Variants in ITGB7 observed in about 807,000 individuals in gnomAD.
ITGB7 encodes the protein integrin subunit beta 7.
ITGB7 carries 55 observed loss-of-function variants against 83.4 expected under a neutral mutation model. The ratio of observed to expected loss-of-function variants is 0.66; its 90% CI spans 0.53 to 0.83. ITGB7 has a LOEUF of 0.83. Ranked by LOEUF, ITGB7 falls within the 40% of genes least tolerant of loss-of-function variation. The probability of loss-of-function intolerance (pLI) is 0.00; values close to 1 mark genes in which losing one functional copy is unlikely to be tolerated. For missense variants in ITGB7, 921 were observed against 1,046.7 expected, an observed-to-expected ratio of 0.88 and a Z score of 1.66; for synonymous variants, 454 against 423.6, an observed-to-expected ratio of 1.07 and a Z score of -0.88.
chr12:53,200,798 G>A (rs11170469), intron 2 of ITGB7, among the ~76,000 whole-genome samples: 8,021 of 151,982 alleles, frequency 0.053, 284 homozygotes, highest in Non-Finnish European at 0.082. Context: ...GCATGGTGGC[G>A]TGCACCTGTA....
chr12:53,203,057 AAC>A (rs1356895653), intron 1 of ITGB7, among the ~76,000 whole-genome samples: 1 of 152,230 alleles, frequency 6.6e-6, no homozygotes, highest in African/African-American at 2.4e-5. Context: ...AAGCACAAAC[AAC>A]AAAAGGAAAA....
chr12:53,198,311 G>T (rs1371448117), intron 3 of ITGB7, among the ~76,000 whole-genome samples: 1 of 152,034 alleles, frequency 6.6e-6, no homozygotes, highest in Non-Finnish European at 1.5e-5. Flanking sequence ...ATTTTTAGTA[G>T]AGACGGGATT....
Position 53,193,779 on chromosome 12 carries a change from A to G in ITGB7, c.1431T>C (p.Asn477=), listed in dbSNP as rs61761308. 3.3e-4 allele frequency: 539 copies of G among 1,614,068 alleles called. No homozygotes were observed. The East Asian group carries it at 7.9e-3, about 24-fold the overall frequency. Residue 477 remains asparagine (N), a synonymous_variant, in exon 11 of 16, where the codon AAT becomes AAC. Coordinates refer to ENST00000267082, the MANE Select transcript of ITGB7 (RefSeq NM_000889.3). The stretch of plus-strand genomic sequence containing the variant: ...GAGCCTGGGGCTGGGTGTCACTGCA[A>G]TTACAGTCACACAGCGTGTGCAACT... The part of the protein sequence containing the change: ...IVELHTLCDC[N]CSDTQPQAPH...
rs893027033 is a variant in ITGB7 at position 53,193,642 on chromosome 12, G to A, written c.1502+66C>T. On this transcript the variant is annotated intron_variant, in intron 11 of 15. Coordinates refer to ENST00000267082, the MANE Select transcript of ITGB7 (RefSeq NM_000889.3). ...TGTGGGGGGGATGGAAAGCAGCGGA[G>A]GAATACGGGCCAGGGTTGGTTGGTT... 57 of 1,376,840 alleles carry A rather than the reference G, an allele frequency of 4.1e-5. No individual in the cohort carries two copies. In the African/African-American group the frequency reaches 7.3e-4, roughly 18 times the overall value. The allele number at this position is 1,376,840 out of a possible 1,614,324, so 85.3% of individuals were successfully genotyped here. A position where few individuals can be genotyped will look rare whatever the true frequency, so the allele number is the denominator to read the frequency against.
chr12:53,202,810 A>T (rs1942350222), intron 1 of ITGB7, among the ~76,000 whole-genome samples: 1 of 152,130 alleles, frequency 6.6e-6, no homozygotes, highest in Non-Finnish European at 1.5e-5. Flanking sequence ...AAAATACAAA[A>T]ATTAGCCGGG....
At chr12:53,196,333 G>T in intron 6 of ITGB7, 134 bp from the exon 7 acceptor site, 1 of 1,103,714 alleles carries the variant, frequency 9.1e-7, no homozygotes, top group Non-Finnish European at 1.3e-6. Context: ...CCAGTACCTT[G>T]CTTCTCCCTG....
chr12:53,200,318 C>A lies in ITGB7; in HGVS notation c.126G>T (p.Leu42=). The change falls in exon 3 of 16, where the codon CTG becomes CTT. Residue 42 remains leucine, a synonymous_variant. Coordinates refer to ENST00000267082, the MANE Select transcript of ITGB7 (RefSeq NM_000889.3). ...AGGAGGGGGCTGGCTGGCAGGACCC[C>A]AGCATGGACAGGTGAGGATTCCGCC... ...TEWRNPHLSM[L]GSCQPAPSCQ... 1 of 1,614,168 alleles carries A rather than the reference C, an allele frequency of 6.2e-7. No individual in the cohort carries two copies. Among genetic ancestry groups the A allele is most frequent in the Non-Finnish European group, 8.5e-7 (1 of 1,180,036 alleles).
chr12:53,191,514 T>C lies in ITGB7; in HGVS notation c.*42A>G, dbSNP rs1240665915. 1 of 1,482,010 alleles carries C rather than the reference T, an allele frequency of 6.7e-7. No homozygotes were observed. The highest frequency in any genetic ancestry group is 1.4e-5 in the African/African-American group (1 of 72,188). The allele number at this position is 1,482,010 out of a possible 1,614,324, so 91.8% of individuals were successfully genotyped here. A position where few individuals can be genotyped will look rare whatever the true frequency, so the allele number is the denominator to read the frequency against. On this transcript the variant is annotated 3_prime_UTR_variant, in exon 16 of 16. Transcript: ENST00000267082. ...TCCTCTCACCCTCCAGTTCCCACTGTCCTCCAAGGAGAAGAGCCTTGGGTA... is the reference window on the plus strand; with the variant it reads ...TCCTCTCACCCTCCAGTTCCCACTGCCCTCCAAGGAGAAGAGCCTTGGGTA...
In ITGB7 at chr12:53,192,020, CTG is replaced by C. The variant is rs1403677827; in HGVS notation, c.2156-3_2156-2del. 9 of 1,610,516 alleles carry C rather than the reference CTG, an allele frequency of 5.6e-6. No homozygotes were observed. The highest frequency in any genetic ancestry group is 1.7e-5 in the Admixed American group (1 of 59,674). Reference sequence around the variant, plus strand: ...ATGGCCTGCGTGTGGTCTGCTCCCTCTGTGAACAAGAAACCAGACACACTTGT... The same window carrying C: ...ATGGCCTGCGTGTGGTCTGCTCCCTCTGAACAAGAAACCAGACACACTTGT... On this transcript the variant is annotated splice_acceptor_variant and splice_polypyrimidine_tract_variant and intron_variant, in intron 14 of 15. Coordinates refer to ENST00000267082, the MANE Select transcript of ITGB7 (RefSeq NM_000889.3). LOFTEE classifies it high-confidence loss of function.
chr12:53,191,880 C>G lies in ITGB7; in HGVS notation c.2295G>C (p.Gln765His). 6.2e-7 allele frequency: 1 copy of G among 1,613,436 alleles called. No individual in the cohort carries two copies. Among genetic ancestry groups the G allele is most frequent in the Non-Finnish European group, 8.5e-7 (1 of 1,180,006 alleles). The change falls in exon 15 of 16, where the codon CAG (glutamine) becomes CAC (histidine). Residue 765 changes from glutamine to histidine, a missense_variant. By Grantham distance (24) the Gln-to-His change is conservative. Transcript: ENST00000267082. Reference protein sequence around the residue: ...RREYSRFEKEQQQLNWKQDSN... With the variant: ...RREYSRFEKEHQQLNWKQDSN... ...TCACCTGCTTCCAGTTGAGTTGTTG[C>G]TGCTCCTTCTCAAAGCGACTGTATT...
At chr12:53,196,975 G>T in intron 5 of ITGB7, 155 bp from the exon 6 acceptor site, 1 of 769,868 alleles carries the variant, frequency 1.3e-6, no homozygotes, top group Non-Finnish European at 2.1e-6. Context: ...GCAAAGCAGT[G>T]AGACCACTGG....
At chr12:53,197,982 C>T (rs952191335) in intron 3 of ITGB7, 31 bp from the exon 4 acceptor site, 3 of 1,520,670 alleles carry the variant, frequency 2.0e-6, no homozygotes, top group Non-Finnish European at 2.6e-6. Flanking sequence ...CGTCGGGACC[C>T]GGTCCTGCAT....
At chr12:53,200,112 T>G in intron 3 of ITGB7, 131 bp downstream of exon 3, 98 of 770,330 alleles carry the variant, frequency 1.3e-4, no homozygotes, top group Non-Finnish European at 1.8e-4. Flanking sequence ...CAGTCACACA[T>G]GAGACTGTGG....
intron 10 of ITGB7, 37 bp from the exon 11 acceptor site, chr12:53,193,938 A>G (rs762905069): frequency 6.4e-6 from 10 of 1,563,726 alleles, no homozygotes; most frequent in South Asian, 1.2e-5. Context: ...GGTTATACAC[A>G]TGCACACACA....
Position 53,197,839 on chromosome 12 carries a change from A to G in ITGB7, c.314T>C (p.Val105Ala). 1 of 1,531,402 alleles carries G rather than the reference A, an allele frequency of 6.5e-7. No homozygotes were observed. The highest frequency in any genetic ancestry group is 8.7e-7 in the Non-Finnish European group (1 of 1,144,682). The allele number at this position is 1,531,402 out of a possible 1,614,324, so 94.9% of individuals were successfully genotyped here. ...CTGGCTGAGCGGCTGGTCCTGCAGC[A>G]CCTCCTGCTGGCCGCGGGGCTCCTC... ...ELEEPRGQQE[V>A]LQDQPLSQGA... Residue 105 changes from valine (V) to alanine (A), a missense_variant, in exon 4 of 16, where the codon GTG (valine) becomes GCG (alanine). By Grantham distance (64) the Val-to-Ala change is moderately conservative. Coordinates refer to ENST00000267082, the MANE Select transcript of ITGB7 (RefSeq NM_000889.3).
rs1942138701 is a variant in ITGB7 at position 53,195,745 on chromosome 12, G to A, written c.976-24C>T. On this transcript the variant is annotated intron_variant, in intron 7 of 15. Transcript: ENST00000267082. ...TCCTGGGACAGGGAGCAGGGACAAG[G>A]TGAGCCCCACAGGTTTCCCCCACAA... is the stretch of plus-strand genomic sequence containing the variant. 8 of 1,580,680 alleles carry A rather than the reference G, an allele frequency of 5.1e-6. No homozygotes were observed. The South Asian group carries it at 8.9e-5, about 17-fold the overall frequency.
intron 3 of ITGB7, 96 bp from the exon 4 acceptor site, chr12:53,198,047 C>T (rs575109090): frequency 2.0e-4 from 183 of 910,114 alleles, no homozygotes; most frequent in African/African-American, 1.5e-3. Context: ...CCTCTAATGC[C>T]CCCACCTCCA....
chr12:53,205,292 C>A (rs543252916), intron 1 of ITGB7, among the ~76,000 whole-genome samples: 1 of 152,264 alleles, frequency 6.6e-6, no homozygotes, highest in South Asian at 2.1e-4. Context: ...TCAATTGATC[C>A]TTCCACCTCA....
intron 9 of ITGB7, 145 bp from the exon 10 acceptor site, chr12:53,194,489 T>C (rs1565701450): frequency 1.4e-6 from 1 of 737,824 alleles, no homozygotes; most frequent in Non-Finnish European, 2.2e-6. Flanking sequence ...AGTCGAGGCA[T>C]TTCTGGAGGG....
Sources: gnomAD v4.1 joint callset for allele counts (sites outside exome capture counted in the v4.1 genomes callset) on GRCh38, gnomAD v4.1.1 for gene constraint, MANE v1.5 for transcripts, NCBI Gene and HGNC (gene_info 2026-07-23, HGNC 2026-07-21) for gene names.